The following THADA variants were observed in gnomAD, a reference collection of about 807,000 sequenced individuals.
The protein encoded by THADA is THADA armadillo repeat containing, also known as tRNA (32-2'-O)-methyltransferase regulator THADA.
In THADA, 213 loss-of-function variants were observed where a neutral mutation model predicts 219.8. The ratio of observed to expected loss-of-function variants is 0.97; its 90% CI spans 0.87 to 1.09. The LOEUF (loss-of-function observed/expected upper bound fraction) is 1.09, where lower values mean the gene tolerates loss of function less well. THADA is among the 50% of genes least tolerant of loss of function. The probability of loss-of-function intolerance (pLI) is 0.00; values close to 1 mark genes in which losing one functional copy is unlikely to be tolerated. For missense variants in THADA, 2,956 were observed against 2,311.3 expected (o/e 1.28, Z -5.72); for synonymous variants, 1,018 against 828.9 (o/e 1.23, Z -3.92).
chr2:43,497,336 C>A (rs1387434335), intron 25 of THADA, among the ~76,000 whole-genome samples: 4 of 152,144 alleles, frequency 2.6e-5, no homozygotes. Context: ...TACATATACA[C>A]CATGGAATAC....
intron 4 of THADA, among the ~76,000 whole-genome samples, chr2:43,588,413 G>C (rs1701219951): frequency 6.6e-6 from 1 of 151,920 alleles, no homozygotes; most frequent in African/African-American, 2.4e-5. Context: ...TAGCTGAATT[G>C]ATAACCAAAA....
chr2:43,369,406 G>A (rs1171449513), intron 29 of THADA, among the ~76,000 whole-genome samples: 2 of 152,160 alleles, frequency 1.3e-5, no homozygotes, highest in Non-Finnish European at 2.9e-5. Flanking sequence ...TGCTCTTCAT[G>A]GTCCTTTAAT....
At chr2:43,344,301 T>A in intron 29 of THADA, 64 bp from the exon 30 acceptor site, 1 of 1,179,382 alleles carries the variant, frequency 8.5e-7, no homozygotes, top group Non-Finnish European at 1.2e-6. Flanking sequence ...GCTCAGTTCC[T>A]CCCTTTTAAG....
chr2:43,528,775 T>C (rs1693501071), intron 21 of THADA, among the ~76,000 whole-genome samples: 1 of 152,128 alleles, frequency 6.6e-6, no homozygotes, highest in Admixed American at 6.5e-5. Context: ...TAATTACCTT[T>C]TTTCCTTCTT....
At chr2:43,542,686 A>G (rs1427795260) in intron 20 of THADA, among the ~76,000 whole-genome samples, 1 of 152,172 alleles carries the variant, frequency 6.6e-6, no homozygotes. Flanking sequence ...ACAGCAGACA[A>G]TGAACCACAT....
intron 17 of THADA, 99 bp downstream of exon 17, chr2:43,556,246 A>C: frequency 6.6e-7 from 1 of 1,522,688 alleles, no homozygotes; most frequent in East Asian, 2.3e-5. Context: ...ACTTTTAAAT[A>C]AAAAACCACA....
intron 29 of THADA, among the ~76,000 whole-genome samples, chr2:43,345,471 G>A (rs1021076841): frequency 6.6e-6 from 1 of 152,196 alleles, no homozygotes; most frequent in Non-Finnish European, 1.5e-5. Context: ...TCCCAATGTG[G>A]AGACTGAAAA....
At chr2:43,416,794 C>T (rs879666580) in intron 28 of THADA, among the ~76,000 whole-genome samples, 1 of 152,248 alleles carries the variant, frequency 6.6e-6, no homozygotes, top group South Asian at 2.1e-4. Context: ...ACTTCAGAGG[C>T]CTTGGAGTAC....
At chr2:43,393,127 A>G (rs2104698711) in intron 29 of THADA, among the ~76,000 whole-genome samples, 1 of 152,338 alleles carries the variant, frequency 6.6e-6, no homozygotes, top group Non-Finnish European at 1.5e-5. Flanking sequence ...AAGACCAAAG[A>G]GAAATGATGA....
intron 29 of THADA, among the ~76,000 whole-genome samples, chr2:43,367,285 C>A (rs1199724494): frequency 1.3e-5 from 2 of 152,142 alleles, no homozygotes; most frequent in Non-Finnish European, 2.9e-5. Context: ...CACAACATTA[C>A]TAAACTGTGC....
chr2:43,466,177 TA>T (rs1199416810), intron 26 of THADA, among the ~76,000 whole-genome samples: 1 of 152,222 alleles, frequency 6.6e-6, no homozygotes, highest in Non-Finnish European at 1.5e-5. Flanking sequence ...CTTCAATGGA[TA>T]TTCTATTAAA....
intron 21 of THADA, among the ~76,000 whole-genome samples, chr2:43,530,793 T>C (rs190865551): frequency 6.6e-6 from 1 of 152,302 alleles, no homozygotes; most frequent in Non-Finnish European, 1.5e-5. Context: ...AAGCATATAA[T>C]AAAAATCAAA....
At chr2:43,591,001 A>G (rs1343544500) in intron 3 of THADA, 47 bp from the exon 4 acceptor site, 3 of 1,558,980 alleles carry the variant, frequency 1.9e-6, no homozygotes, top group Non-Finnish European at 2.6e-6. Flanking sequence ...CAAATATAGC[A>G]AAGTAACATG....
intron 8 of THADA, among the ~76,000 whole-genome samples, chr2:43,581,310 A>G (rs1279517972): frequency 6.6e-6 from 1 of 152,130 alleles, no homozygotes; most frequent in Non-Finnish European, 1.5e-5. Flanking sequence ...TAAGCAGGTT[A>G]CTTGAGGCCA....
chr2:43,528,361 C>A (rs1693442671), intron 21 of THADA, among the ~76,000 whole-genome samples: 1 of 152,122 alleles, frequency 6.6e-6, no homozygotes, highest in African/African-American at 2.4e-5. Flanking sequence ...AACTCCTGAC[C>A]TCAGGTGATC....
intron 28 of THADA, among the ~76,000 whole-genome samples, chr2:43,408,650 C>G (rs924286479): frequency 3.0e-4 from 46 of 152,302 alleles, no homozygotes; most frequent in African/African-American, 1.1e-3. Context: ...AATGTGGCCA[C>G]AGCAAGTTAC....
At chr2:43,498,411 G>C (rs1256714206) in intron 25 of THADA, among the ~76,000 whole-genome samples, 1 of 152,048 alleles carries the variant, frequency 6.6e-6, no homozygotes, top group Non-Finnish European at 1.5e-5. Flanking sequence ...GCTATTTAAA[G>C]AAAAATAACA....
intron 28 of THADA, among the ~76,000 whole-genome samples, chr2:43,418,964 A>C (rs753796302): frequency 6.6e-6 from 1 of 152,232 alleles, no homozygotes; most frequent in Non-Finnish European, 1.5e-5. Context: ...GCAGTGGAAG[A>C]AGCGGCCAGG....
At chr2:43,356,406 C>T (rs886916461) in intron 29 of THADA, among the ~76,000 whole-genome samples, 2 of 151,952 alleles carry the variant, frequency 1.3e-5, no homozygotes, top group African/African-American at 4.8e-5. Flanking sequence ...AACAAAAAGC[C>T]ATGAATAGGG....
Sources: allele counts gnomAD v4.1 joint callset (sites outside exome capture counted in the v4.1 genomes callset), GRCh38; gene constraint gnomAD v4.1.1; transcripts MANE v1.5; gene names NCBI Gene and HGNC (gene_info 2026-07-23, HGNC 2026-07-21).